Variants in UGT1A5 observed in about 807,000 individuals in gnomAD.
UGT1A5 encodes UDP-glucuronosyltransferase 1A5.
UGT1A5 carries 29 observed loss-of-function variants against 40.3 expected under a neutral mutation model. The observed-to-expected ratio is 0.72, with a 90% CI of 0.54 to 0.98. The LOEUF (loss-of-function observed/expected upper bound fraction) is 0.98, where lower values mean the gene tolerates loss of function less well. Ranked by LOEUF, UGT1A5 falls within the 50% of genes least tolerant of loss-of-function variation. The pLI, the probability that UGT1A5 is intolerant of heterozygous loss-of-function variation, is 0.00. For synonymous variants in UGT1A5, 257 were observed against 262.5 expected (o/e 0.98, Z 0.20); for missense variants, 678 against 677.9 (o/e 1.00, Z 0.00).
chr2:233,769,515 T>A lies in UGT1A5; in HGVS notation c.1307+1076T>A. The A allele has an allele frequency of 6.2e-7, 1 of 1,612,854 alleles. No homozygotes were observed. Among genetic ancestry groups the A allele is most frequent in the Non-Finnish European group, 8.5e-7 (1 of 1,179,868 alleles). ...TGAGAGTGTCCATTGCTTTCTCCCA[T>A]GGTTACCTCCTTTAGAAAGAAGCAG... On this transcript the variant is annotated intron_variant, in intron 4 of 4. Coordinates refer to ENST00000373414, the MANE Select transcript of UGT1A5 (RefSeq NM_019078.2). This position sits in a 1 kb window ranked among gnomAD's most constrained non-coding sequence, Gnocchi z 4.4.
chr2:233,747,371 C>G (rs757857857), intron 1 of UGT1A5: 19 of 1,604,150 alleles, frequency 1.2e-5, no homozygotes, highest in Non-Finnish European at 1.5e-5. Flanking sequence ...AGCTCCATGC[C>G]AGAGGCCACC....
At chr2:233,732,755 GT>G (rs956485327) in intron 1 of UGT1A5, among the ~76,000 whole-genome samples, 12,936 of 120,072 alleles carry the variant, frequency 0.11, 575 homozygotes, top group East Asian at 0.2. Context: ...CACCAGCTTT[GT>G]TTTTTTTTTT....
At position 233,712,947 on chromosome 2, in the gene UGT1A5, G is replaced by A; in HGVS notation, c.-45G>A. 1.2e-6 allele frequency: 2 copies of A among 1,612,674 alleles called. No homozygotes were observed. Among genetic ancestry groups the A allele is most frequent in the South Asian group, 1.1e-5 (1 of 91,012 alleles). ...AAGACGAAGGAAACAATTCTAGGAG[G>A]CACAACGTGGGGTGGACAGTCAGCT... On this transcript the variant is annotated 5_prime_UTR_variant, in exon 1 of 5. Transcript: ENST00000373414.
rs527503361 is a variant in UGT1A5 at position 233,743,746 on chromosome 2, C to T, written c.868-23288C>T. ...CATAGATATCGCGTTTCTTGGCGTC[C>T]GACAACACCTCGTAGGCCTCGGCCA... On this transcript the variant is annotated intron_variant, in intron 1 of 4. Coordinates refer to ENST00000373414, the MANE Select transcript of UGT1A5 (RefSeq NM_019078.2). The T allele has an allele frequency of 1.3e-5, 18 of 1,367,364 alleles. 1 individual carries two copies. The highest frequency in any genetic ancestry group is 1.0e-4 in the African/African-American group (7 of 67,556). 84.7% of individuals were successfully genotyped at this position (1,367,364 alleles called of 1,614,324 possible).
intron 1 of UGT1A5, among the ~76,000 whole-genome samples, chr2:233,724,360 G>T (rs1455285943): frequency 2.7e-5 from 4 of 146,576 alleles, no homozygotes; most frequent in Non-Finnish European, 4.5e-5. Context: ...CCTCCCTCCC[G>T]GACGGGGTGG....
In UGT1A5 at chr2:233,732,508, T is replaced by C. The variant is rs534063439; in HGVS notation, c.867+18650T>C. The stretch of plus-strand genomic sequence containing the variant: ...TGTATAAGGCGTAAGGAAGGGATCC[T>C]GTTCCAGCTTTCTACATATGGCCAG... On this transcript the variant is annotated intron_variant, in intron 1 of 4. Coordinates refer to ENST00000373414, the MANE Select transcript of UGT1A5 (RefSeq NM_019078.2). Among the ~76,000 whole-genome samples the C allele has an allele frequency of 1.1e-4, 16 of 152,348 alleles. 1 individual carries two copies. The South Asian group carries it at 3.3e-3, about 32-fold the overall frequency.
chr2:233,751,725 C>G (rs1174648123), intron 1 of UGT1A5, among the ~76,000 whole-genome samples: 1 of 152,184 alleles, frequency 6.6e-6, no homozygotes, highest in African/African-American at 2.4e-5. Context: ...CAAGTGAACT[C>G]TTCCTCTCTG....
At chr2:233,721,907 C>A in intron 1 of UGT1A5, 1 of 444,142 alleles carries the variant, frequency 2.3e-6, no homozygotes, top group South Asian at 1.7e-5. Context: ...AAATGGTGCA[C>A]ACTGCTTCCA....
At chr2:233,747,175 C>G in intron 1 of UGT1A5, 1 of 1,599,222 alleles carries the variant, frequency 6.3e-7, no homozygotes, top group Non-Finnish European at 8.5e-7. Flanking sequence ...GGAGGCACAG[C>G]GTGGGGTGGA....
chr2:233,747,935 G>A lies in UGT1A5; in HGVS notation c.868-19099G>A, dbSNP rs926713638. On this transcript the variant is annotated intron_variant, in intron 1 of 4. Transcript: ENST00000373414. The stretch of plus-strand genomic sequence containing the variant: ...GCCTTGCCTCTGAGCTTTTTCAGAG[G>A]GAGGTGTCAGTGGTGGATCTTCTCA... 5.5e-5 allele frequency: 89 copies of A among 1,613,314 alleles called. No individual in the cohort carries two copies. In the Admixed American group the frequency reaches 6.2e-4, roughly 11 times the overall value.
chr2:233,750,285 G>A (rs886934345), intron 1 of UGT1A5, among the ~76,000 whole-genome samples: 2 of 151,944 alleles, frequency 1.3e-5, no homozygotes, highest in African/African-American at 4.9e-5. Context: ...GAGACTGGTG[G>A]CATTTTGCCC....
chr2:233,772,721 A>G lies in UGT1A5; in HGVS notation c.*162A>G, dbSNP rs1307369412. On this transcript the variant is annotated 3_prime_UTR_variant, in exon 5 of 5. Coordinates refer to ENST00000373414, the MANE Select transcript of UGT1A5 (RefSeq NM_019078.2). ...TAAAAAATTCTCTTAAATAAAAATA[A>G]TAGACTCGCTAGTCAGTAAAGATAT... 4.1e-6 allele frequency: 6 copies of G among 1,458,094 alleles called. No individual in the cohort carries two copies. Among genetic ancestry groups the G allele is most frequent in the Non-Finnish European group, 5.4e-6 (6 of 1,108,844 alleles). The allele number at this position is 1,458,094 out of a possible 1,614,324, so 90.3% of individuals were successfully genotyped here.
chr2:233,760,166 G>A (rs2125979528), intron 1 of UGT1A5: 1 of 1,522,128 alleles, frequency 6.6e-7, no homozygotes, highest in African/African-American at 1.4e-5. Context: ...TACCTTTGTG[G>A]ACTGACAGCT....
intron 1 of UGT1A5, chr2:233,761,011 GTGA>G (rs759864220): frequency 6.2e-7 from 1 of 1,614,156 alleles, no homozygotes; most frequent in Non-Finnish European, 8.5e-7. Context: ...TCAGAGAGAG[GTGA>G]CTGTCCAGGA....
At position 233,772,264 on chromosome 2, in the gene UGT1A5, A is replaced by G. The variant is rs766626435; in HGVS notation, c.1310A>G (p.Tyr437Cys). Reference sequence around the variant, plus strand: ...AACGAAACTGTCTTTGTGTTTAGTTACAAGGAGAACATCATGCGCCTCTCC... The same window carrying G: ...AACGAAACTGTCTTTGTGTTTAGTTGCAAGGAGAACATCATGCGCCTCTCC... Reference protein sequence around the residue: ...ALKAVINDKSYKENIMRLSSL... With the variant: ...ALKAVINDKSCKENIMRLSSL... The change falls in exon 5 of 5, where the codon TAC becomes TGC. Residue 437 changes from tyrosine to cysteine, a missense_variant and splice_region_variant. Tyr to Cys is a radical substitution (Grantham distance 194). Coordinates refer to ENST00000373414, the MANE Select transcript of UGT1A5 (RefSeq NM_019078.2). The G allele has an allele frequency of 2.5e-6, 4 of 1,614,262 alleles. No homozygotes were observed. Among genetic ancestry groups the G allele is most frequent in the Admixed American group, 1.7e-5 (1 of 60,030 alleles).
At chr2:233,729,866 A>C (rs1305518931) in intron 1 of UGT1A5, 8 of 1,613,728 alleles carry the variant, frequency 5.0e-6, no homozygotes, top group Non-Finnish European at 5.9e-6. Flanking sequence ...TCAGTGGTGG[A>C]TATTCTCAGT....
At chr2:233,731,010 G>T (rs17868337) in intron 1 of UGT1A5, among the ~76,000 whole-genome samples, 1 of 152,138 alleles carries the variant, frequency 6.6e-6, no homozygotes, top group Admixed American at 6.5e-5. Flanking sequence ...CATGTACATC[G>T]TGAGAGAATC....
intron 1 of UGT1A5, among the ~76,000 whole-genome samples, chr2:233,726,689 C>T (rs1298047788): frequency 2.0e-5 from 3 of 152,182 alleles, no homozygotes; most frequent in Non-Finnish European, 2.9e-5. Flanking sequence ...CCACCTGTAA[C>T]GGAACATATT....
intron 1 of UGT1A5, among the ~76,000 whole-genome samples, chr2:233,725,323 G>A (rs1370271039): frequency 1.0e-5 from 1 of 97,652 alleles, no homozygotes; most frequent in East Asian, 3.5e-4. Flanking sequence ...GAGGCGCCTG[G>A]TCAACAATCT....
Sources: gnomAD v4.1 joint callset for allele counts (sites outside exome capture counted in the v4.1 genomes callset) on GRCh38, gnomAD v4.1.1 for gene constraint, Gnocchi (gnomAD v3.1) non-coding constraint, MANE v1.5 for transcripts, NCBI Gene and HGNC (gene_info 2026-07-23, HGNC 2026-07-21) for gene names.